Variants in TNRC6A observed in about 807,000 individuals in gnomAD.
TNRC6A encodes trinucleotide repeat-containing gene 6A protein.
Under a neutral mutation model 221.2 loss-of-function variants are expected in TNRC6A, and 44 were observed. That is an observed-to-expected ratio of 0.20 (90% CI 0.16 to 0.26). The LOEUF is 0.26. Among genes scored for constraint, TNRC6A ranks in the 10% least tolerant of loss-of-function variants. The probability of loss-of-function intolerance (pLI) is 1.00; values close to 1 mark genes in which losing one functional copy is unlikely to be tolerated. For missense variants in TNRC6A, 2,199 were observed against 2,404.4 expected (o/e 0.91, Z 1.79); for synonymous variants, 847 against 838.5 (o/e 1.01, Z -0.18).
At chr16:24,622,451 A>C (rs572018953) in intron 1 of TNRC6A, among the ~76,000 whole-genome samples, 247 of 152,194 alleles carry the variant, frequency 1.6e-3, no homozygotes, top group Non-Finnish European at 2.9e-3. Flanking sequence ...AAGCACAAAA[A>C]TAAGCAGGGT....
Position 24,790,734 on chromosome 16 carries a change from A to G in TNRC6A, c.2092A>G (p.Ile698Val). The change falls in exon 6 of 25, where the codon ATT (isoleucine) becomes GTT (valine). Residue 698 changes from isoleucine (I) to valine (V), a missense_variant. By Grantham distance (29) the Ile-to-Val change is conservative (BLOSUM62 3). Coordinates refer to ENST00000395799, the MANE Select transcript of TNRC6A (RefSeq NM_014494.4). ...AAGTCAGAGTAGAGACAGAAGAAAA[A>G]TTGATCAGCACACATTACTCCAAAG... is the stretch of plus-strand genomic sequence containing the variant. Reference protein sequence around the residue: ...GESQSRDRRKIDQHTLLQSIV... With the variant: ...GESQSRDRRKVDQHTLLQSIV... 2 of 1,614,168 alleles carry G rather than the reference A, an allele frequency of 1.2e-6. No homozygotes were observed. The highest frequency in any genetic ancestry group is 2.2e-5 in the South Asian group (2 of 91,084).
intron 1 of TNRC6A, among the ~76,000 whole-genome samples, chr16:24,631,371 T>C (rs1409199869): frequency 2.0e-5 from 3 of 152,286 alleles, no homozygotes; most frequent in Non-Finnish European, 4.4e-5. Flanking sequence ...ACACAACATA[T>C]TACTTTCTTC....
chr16:24,777,572 C>G (rs944127980), intron 5 of TNRC6A, among the ~76,000 whole-genome samples: 2 of 152,050 alleles, frequency 1.3e-5, no homozygotes, highest in African/African-American at 4.8e-5. Context: ...CTGATTCTCC[C>G]TTCAGGTTCT....
intron 1 of TNRC6A, among the ~76,000 whole-genome samples, chr16:24,613,812 A>C (rs986949508): frequency 2.6e-5 from 4 of 152,188 alleles, no homozygotes; most frequent in African/African-American, 9.7e-5. Flanking sequence ...CTGGGACTAC[A>C]GGCATGAACT....
chr16:24,696,974 C>CGT (rs1475067732), intron 2 of TNRC6A, among the ~76,000 whole-genome samples: 1 of 152,100 alleles, frequency 6.6e-6, no homozygotes, highest in Non-Finnish European at 1.5e-5. Flanking sequence ...AAAATGCTTA[C>CGT]ACCAGCTAGA....
rs556977813 is a variant in TNRC6A, at chr16:24,768,213, C to T, written c.164-8720C>T. ...TTGGGAGGCTGAGGCGGGCGGACCACGAGGTCAGGAGATTGAGACCATCCT... is the reference window on the plus strand; with the variant it reads ...TTGGGAGGCTGAGGCGGGCGGACCATGAGGTCAGGAGATTGAGACCATCCT... On this transcript the variant is annotated intron_variant, in intron 4 of 24. Transcript: ENST00000395799. 2.0e-3 allele frequency among the ~76,000 whole-genome samples: 306 copies of T among 152,068 alleles called. 2 individuals are homozygous for T. Among genetic ancestry groups the T allele is most frequent in the African/African-American group, 7.0e-3 (291 of 41,472 alleles).
chr16:24,745,794 ATC>A (rs757504770), intron 2 of TNRC6A, among the ~76,000 whole-genome samples: 17 of 49,938 alleles, frequency 3.4e-4, no homozygotes, highest in Admixed American at 2.5e-3. Flanking sequence ...GGTATGTACC[ATC>A]CCCCCCCCCC....
chr16:24,788,335 G>C (rs933909852), intron 5 of TNRC6A, among the ~76,000 whole-genome samples: 7 of 152,128 alleles, frequency 4.6e-5, no homozygotes, highest in African/African-American at 1.7e-4. Context: ...AGAGGAAGTT[G>C]AACTGAAAAT....
intron 2 of TNRC6A, among the ~76,000 whole-genome samples, chr16:24,739,541 T>A (rs1263795123): frequency 1.4e-5 from 2 of 145,952 alleles, no homozygotes; most frequent in African/African-American, 2.5e-5. Context: ...TGCAGTGGCA[T>A]GATCTCAGCT....
In TNRC6A at chr16:24,729,696, G is replaced by GCGGCGT. The variant is rs2151139706; in HGVS notation, c.-141_-140insTCGGCG. On this transcript the variant is annotated 5_prime_UTR_variant, in exon 1 of 25. Coordinates refer to ENST00000395799, the MANE Select transcript of TNRC6A (RefSeq NM_014494.4). The stretch of plus-strand genomic sequence containing the variant: ...GGCGGCGGCGGTGTCGGCGGCGGCG[G>GCGGCGT]CGGCGGCGGCGGCGGCGGCGGCAGC... 2 of 927,226 alleles carry GCGGCGT rather than the reference G, an allele frequency of 2.2e-6. No homozygotes were observed. Among genetic ancestry groups the GCGGCGT allele is most frequent in the East Asian group, 3.5e-5 (1 of 28,572 alleles). The allele number at this position is 927,226 out of a possible 1,614,324, so 57.4% of individuals were successfully genotyped here.
intron 11 of TNRC6A, among the ~76,000 whole-genome samples, chr16:24,800,808 G>A (rs2058316688): frequency 2.0e-5 from 3 of 152,166 alleles, no homozygotes; most frequent in Admixed American, 6.5e-5. Flanking sequence ...TGACCCACCA[G>A]GCAATGGAGA....
chr16:24,619,211 C>G (rs1382574750), intron 1 of TNRC6A, among the ~76,000 whole-genome samples: 1 of 152,142 alleles, frequency 6.6e-6, no homozygotes, highest in Non-Finnish European at 1.5e-5. Flanking sequence ...GACAATATCC[C>G]CAGCATCGCT....
intron 18 of TNRC6A, among the ~76,000 whole-genome samples, chr16:24,810,810 A>G (rs1297808880): frequency 6.6e-6 from 1 of 152,240 alleles, no homozygotes; most frequent in African/African-American, 2.4e-5. Flanking sequence ...TAAGACTTAA[A>G]GTAGTCTAGG....
intron 2 of TNRC6A, chr16:24,670,914 C>A (rs1399686255): frequency 9.6e-6 from 3 of 312,002 alleles, no homozygotes; most frequent in Non-Finnish European, 2.1e-5. Context: ...CGCCAGCCCC[C>A]ACACTTCCTT....
chr16:24,800,252 A>C (rs1304688626), intron 11 of TNRC6A, among the ~76,000 whole-genome samples: 1 of 152,218 alleles, frequency 6.6e-6, no homozygotes, highest in Non-Finnish European at 1.5e-5. Flanking sequence ...TTTGATTCTC[A>C]CAACTTACAA....
intron 1 of TNRC6A, among the ~76,000 whole-genome samples, chr16:24,612,079 T>C (rs2033216): frequency 0.62 from 94,052 of 151,768 alleles, 30,531 homozygotes; most frequent in African/African-American, 0.82. Context: ...GGACAACAGA[T>C]CAAGACTCCA....
intron 1 of TNRC6A, among the ~76,000 whole-genome samples, chr16:24,640,380 A>G (rs187299485): frequency 6.6e-6 from 1 of 151,224 alleles, no homozygotes; most frequent in Non-Finnish European, 1.5e-5. Flanking sequence ...AACCTGGGTG[A>G]CAAAGTAAAA....
At chr16:24,638,049 T>C (rs1257626304) in intron 1 of TNRC6A, among the ~76,000 whole-genome samples, 2 of 152,168 alleles carry the variant, frequency 1.3e-5, no homozygotes, top group African/African-American at 2.4e-5. Flanking sequence ...TCTCCCAAAG[T>C]GCTGGCATTA....
chr16:24,817,017 TGTA>T (rs2058670903), intron 20 of TNRC6A, 61 bp downstream of exon 20: 7 of 1,526,234 alleles, frequency 4.6e-6, no homozygotes, highest in Admixed American at 4.1e-5. Context: ...GAATGGCTCA[TGTA>T]GTACCCAGCT....
Sources: allele counts gnomAD v4.1 joint callset (sites outside exome capture counted in the v4.1 genomes callset), GRCh38; gene constraint gnomAD v4.1.1; transcripts MANE v1.5; gene names NCBI Gene and HGNC (gene_info 2026-07-23, HGNC 2026-07-21).